Variants in IRS2 observed in about 807,000 individuals in gnomAD.
The protein encoded by IRS2 is insulin receptor substrate 2.
Under a neutral mutation model 70.9 loss-of-function variants are expected in IRS2, and 28 were observed. That is an observed-to-expected ratio of 0.39 (90% CI 0.29 to 0.54). The LOEUF (loss-of-function observed/expected upper bound fraction) is 0.54, where lower values mean the gene tolerates loss of function less well. IRS2 is among the 20% of genes least tolerant of loss of function. The probability of loss-of-function intolerance (pLI) is 0.59; values close to 1 mark genes in which losing one functional copy is unlikely to be tolerated. For synonymous variants in IRS2, 1,217 were observed against 981.9 expected (o/e 1.24, Z -4.48); for missense variants, 2,081 against 2,024.1 (o/e 1.03, Z -0.54).
chr13:109,769,126 G>C (rs1377363975), intron 1 of IRS2, among the ~76,000 whole-genome samples: 1 of 152,092 alleles, frequency 6.6e-6, no homozygotes, highest in Non-Finnish European at 1.5e-5. Context: ...CATTCCACTA[G>C]ATCACTTCTA....
chr13:109,782,034 C>G lies in IRS2; in HGVS notation c.4012+8G>C. 1 of 1,612,164 alleles carries G rather than the reference C, an allele frequency of 6.2e-7. No homozygotes were observed. The highest frequency in any genetic ancestry group is 8.5e-7 in the Non-Finnish European group (1 of 1,179,742). On this transcript the variant is annotated splice_region_variant and intron_variant, in intron 1 of 1. Transcript: ENST00000375856. ...CCCGCCAGACGCCAAGGCAAAGGGC[C>G]TCCTCACCTTTCACGATGGTGGCCT...
Position 109,782,028 on chromosome 13 carries a change from A to G in IRS2, c.4012+14T>C, listed in dbSNP as rs763032431. On this transcript the variant is annotated intron_variant, in intron 1 of 1. Transcript: ENST00000375856. ...CTCCTTCCCGCCAGACGCCAAGGCA[A>G]AGGGCCTCCTCACCTTTCACGATGG... The G allele has an allele frequency of 2.0e-5, 33 of 1,611,698 alleles. No individual in the cohort carries two copies. In the South Asian group the frequency reaches 3.5e-4, roughly 17 times the overall value.
chr13:109,774,862 A>C (rs4771647), intron 1 of IRS2, among the ~76,000 whole-genome samples: 50,320 of 152,064 alleles, frequency 0.33, 8,458 homozygotes, highest in Middle Eastern at 0.48. Context: ...TTTTAACCCC[A>C]AGAGAAGAGT....
intron 1 of IRS2, among the ~76,000 whole-genome samples, chr13:109,778,638 C>A (rs913473109): frequency 4.6e-5 from 7 of 152,226 alleles, no homozygotes; most frequent in African/African-American, 1.7e-4. Flanking sequence ...AACTTTTCAA[C>A]ATAAATCGTG....
At chr13:109,767,881 C>T (rs1280887386) in intron 1 of IRS2, among the ~76,000 whole-genome samples, 4 of 151,990 alleles carry the variant, frequency 2.6e-5, no homozygotes, top group Non-Finnish European at 5.9e-5. Flanking sequence ...TACAGGCATG[C>T]GCCACCACAC....
Position 109,785,432 on chromosome 13 carries a change from C to A in IRS2, c.622G>T (p.Gly208Cys). The change falls in exon 1 of 2, where the codon GGC (glycine) becomes TGC (cysteine). Residue 208 changes from glycine (G) to cysteine (C), a missense_variant. Gly to Cys is a radical substitution (Grantham distance 159). Coordinates refer to ENST00000375856, the MANE Select transcript of IRS2 (RefSeq NM_003749.3). The surrounding 1 kb of genome is among the most constrained non-coding windows in gnomAD (Gnocchi z 9.3). ...WQVNLKPKGL[G>C]QSKNLTGVYR... is the part of the protein sequence containing the mutation. The stretch of plus-strand genomic sequence containing the variant: ...ACCCCCGTCAGGTTCTTGCTCTGGC[C>A]CAGACCCTTGGGCTTCAGGTTCACC... 6.2e-7 allele frequency: 1 copy of A among 1,612,282 alleles called. No individual in the cohort carries two copies.
chr13:109,776,548 A>G (rs554225970), intron 1 of IRS2, among the ~76,000 whole-genome samples: 2 of 152,366 alleles, frequency 1.3e-5, no homozygotes, highest in Admixed American at 6.5e-5. Flanking sequence ...CACTTAAGTA[A>G]TAAAGCTATA....
chr13:109,784,149 G>C lies in IRS2; in HGVS notation c.1905C>G (p.Ile635Met), dbSNP rs1381339944. 2 of 1,592,304 alleles carry C rather than the reference G, an allele frequency of 1.3e-6. No individual in the cohort carries two copies. The highest frequency in any genetic ancestry group is 1.1e-5 in the South Asian group (1 of 89,734). The change falls in exon 1 of 2, where the codon ATC becomes ATG. Residue 635 changes from isoleucine (I) to methionine (M), a missense_variant. Ile to Met is a conservative substitution (Grantham distance 10). Transcript: ENST00000375856. The surrounding 1 kb of genome is among the most constrained non-coding windows in gnomAD (Gnocchi z 5.2). ...TGGAGCTCCTGTGGGAGCCGATCTC[G>C]ATGTCTCCGTAGTCCTCTGGGTAGG... is the stretch of plus-strand genomic sequence containing the variant. ...YHPYPEDYGD[I>M]EIGSHRSSSS...
At chr13:109,772,077 G>C (rs1877463549) in intron 1 of IRS2, among the ~76,000 whole-genome samples, 1 of 152,254 alleles carries the variant, frequency 6.6e-6, no homozygotes, top group Non-Finnish European at 1.5e-5. Context: ...AAGGAGGGCA[G>C]AGAGGCTCAC....
intron 1 of IRS2, among the ~76,000 whole-genome samples, chr13:109,776,355 A>G (rs1974134): frequency 0.33 from 50,434 of 152,174 alleles, 8,501 homozygotes; most frequent in Middle Eastern, 0.48. Flanking sequence ...CCAAGGCTTC[A>G]CCTTTACCCA....
intron 1 of IRS2, among the ~76,000 whole-genome samples, chr13:109,756,523 T>C (rs1045786703): frequency 2.0e-5 from 3 of 152,202 alleles, no homozygotes; most frequent in South Asian, 2.1e-4. Context: ...GTTAGGTTCA[T>C]GGTGAGTTGT....
At chr13:109,772,982 A>G (rs1464513489) in intron 1 of IRS2, among the ~76,000 whole-genome samples, 2 of 152,168 alleles carry the variant, frequency 1.3e-5, no homozygotes, top group East Asian at 1.9e-4. Flanking sequence ...GGCGTGAGCC[A>G]CCGCGCCCGG....
chr13:109,756,226 G>T lies in IRS2; in HGVS notation c.*78C>A. The T allele has an allele frequency of 1.6e-6, 2 of 1,255,344 alleles. No individual in the cohort carries two copies. Among genetic ancestry groups the T allele is most frequent in the Non-Finnish European group, 2.3e-6 (2 of 852,688 alleles). The allele number at this position is 1,255,344 out of a possible 1,614,324, so 77.8% of individuals were successfully genotyped here. ...AAAAGAAAACTGCAAGCAGCTTCGG[G>T]CTGAAACAGTGCTGAGCGTCTTCTT... On this transcript the variant is annotated 3_prime_UTR_variant, in exon 2 of 2. Coordinates refer to ENST00000375856, the MANE Select transcript of IRS2 (RefSeq NM_003749.3).
At chr13:109,777,269 A>C (rs1877599577) in intron 1 of IRS2, among the ~76,000 whole-genome samples, 1 of 152,152 alleles carries the variant, frequency 6.6e-6, no homozygotes, top group African/African-American at 2.4e-5. Flanking sequence ...AAAAACCAAA[A>C]CAAACAAACA....
At chr13:109,762,501 C>T (rs1333141216) in intron 1 of IRS2, among the ~76,000 whole-genome samples, 4 of 152,192 alleles carry the variant, frequency 2.6e-5, no homozygotes, top group Admixed American at 2.6e-4. Flanking sequence ...TGGGACAGGG[C>T]AGGAGCAGAG....
intron 1 of IRS2, among the ~76,000 whole-genome samples, chr13:109,768,532 G>C (rs1397682477): frequency 6.6e-6 from 1 of 152,174 alleles, no homozygotes; most frequent in Non-Finnish European, 1.5e-5. Context: ...TACTTTTTCT[G>C]CACATTTTTT....
rs1012728779 is a variant in IRS2, at chr13:109,782,526, G to A, written c.3528C>T (p.Ser1176=). The change falls in exon 1 of 2, where the codon TCC becomes TCT. Residue 1176 remains serine, a synonymous_variant. Coordinates refer to ENST00000375856, the MANE Select transcript of IRS2 (RefSeq NM_003749.3). ...TTTTCCTGAGAGAGACATTTTCCAC[G>A]GAGGCCGAGTTGTGGCGCTTGGGGT... The part of the protein sequence containing the change: ...AHNPKRHNSA[S]VENVSLRKSS... 4.5e-6 allele frequency: 7 copies of A among 1,556,238 alleles called. No homozygotes were observed. In the African/African-American group the frequency reaches 6.8e-5, roughly 15 times the overall value.
Position 109,754,206 on chromosome 13 carries a change from A to G in IRS2, c.*2098T>C, listed in dbSNP as rs1877054669. On this transcript the variant is annotated 3_prime_UTR_variant, in exon 2 of 2. Coordinates refer to ENST00000375856, the MANE Select transcript of IRS2 (RefSeq NM_003749.3). ...ATTGTGAAGTTTTAGCAAACATAAC[A>G]TTTATACATTTTGGTTCCATTCTGT... The G allele has an allele frequency of 4.3e-6, 1 of 231,938 alleles. No homozygotes were observed. The highest frequency in any genetic ancestry group is 1.8e-4 in the South Asian group (1 of 5,526). 14.4% of individuals were successfully genotyped at this position (231,938 alleles called of 1,614,324 possible). A position where few individuals can be genotyped will look rare whatever the true frequency, so the allele number is the denominator to read the frequency against.
chr13:109,783,883 C>G lies in IRS2; in HGVS notation c.2171G>C (p.Gly724Ala), dbSNP rs1039153783. ...SAAGRTFPAS[G>A]GGYKASSPAE... The stretch of plus-strand genomic sequence containing the variant: ...GGGCGAGCTGGCCTTGTAGCCGCCC[C>G]CGCTCGCCGGGAATGTCCTGCCCGC... The change falls in exon 1 of 2, where the codon GGG becomes GCG. Residue 724 changes from glycine (G) to alanine (A), a missense_variant. This residue lies in a region of IRS2 where 1,615 missense variants were observed against 1,459.5 expected (regional missense o/e 1.11). Transcript: ENST00000375856. 6.5e-7 allele frequency: 1 copy of G among 1,549,858 alleles called. No individual in the cohort carries two copies. The highest frequency in any genetic ancestry group is 8.7e-7 in the Non-Finnish European group (1 of 1,147,372).
Sources: gnomAD v4.1 joint callset for allele counts (sites outside exome capture counted in the v4.1 genomes callset) on GRCh38, gnomAD v4.1.1 for gene constraint, gnomAD v4.1.1 regional missense constraint, Gnocchi (gnomAD v3.1) non-coding constraint, MANE v1.5 for transcripts, NCBI Gene and HGNC (gene_info 2026-07-23, HGNC 2026-07-21) for gene names.